The following CHST12 variants were observed in gnomAD, a reference collection of about 807,000 sequenced individuals.
CHST12 encodes the protein carbohydrate sulfotransferase 12, also known as carbohydrate (chondroitin 4) sulfotransferase 12.
Under a neutral mutation model 27.9 loss-of-function variants are expected in CHST12, and 23 were observed. That is an observed-to-expected ratio of 0.82 (90% confidence interval 0.59 to 1.17). The LOEUF (loss-of-function observed/expected upper bound fraction) is 1.17, where lower values mean the gene tolerates loss of function less well. Among genes scored for constraint, CHST12 ranks in the 50% most tolerant of loss-of-function variants. The probability of loss-of-function intolerance (pLI) is 0.00; values close to 1 mark genes in which losing one functional copy is unlikely to be tolerated. For missense variants in CHST12, 682 were observed against 603.0 expected (o/e 1.13, Z -1.37); for synonymous variants, 322 against 273.0 (o/e 1.18, Z -1.77).
chr7:2,435,820 T>C lies in CHST12; in HGVS notation c.*1936T>C, dbSNP rs1042504306. On this transcript the variant is annotated 3_prime_UTR_variant, in exon 2 of 2. Coordinates refer to ENST00000618655, the MANE Select transcript of CHST12 (RefSeq NM_018641.5). ...GCTTCGCTTTCTTTTATTTTTGTTT[T>C]GTTTTGTTTTTGGAGACAGGGTCTC... The C allele has an allele frequency of 4.6e-5, 7 of 152,366 alleles. No individual in the cohort carries two copies. Among genetic ancestry groups the C allele is most frequent in the East Asian group, 1.9e-4 (1 of 5,190 alleles). The allele number at this position is 152,366 out of a possible 1,614,324, so 9.4% of individuals were successfully genotyped here. A position where few individuals can be genotyped will look rare whatever the true frequency, so the allele number is the denominator to read the frequency against.
chr7:2,410,859 GC>G (rs1014169527), intron 1 of CHST12, among the ~76,000 whole-genome samples: 3 of 152,062 alleles, frequency 2.0e-5, no homozygotes, highest in Non-Finnish European at 4.4e-5. Flanking sequence ...GAGATAGGAA[GC>G]CACTGATCCA....
At chr7:2,407,012 T>C (rs1198627967) in intron 1 of CHST12, among the ~76,000 whole-genome samples, 1 of 149,702 alleles carries the variant, frequency 6.7e-6, no homozygotes, top group African/African-American at 2.5e-5. Context: ...AGTATTCGAA[T>C]ATCCAAAAAG....
At chr7:2,406,353 A>G (rs1562507170) in intron 1 of CHST12, among the ~76,000 whole-genome samples, 1 of 148,332 alleles carries the variant, frequency 6.7e-6, no homozygotes, top group Non-Finnish European at 1.5e-5. Context: ...GGAGACAGGT[A>G]CAGTTGAGTA....
At position 2,422,497 on chromosome 7, in the gene CHST12, G is replaced by A. The variant is rs111963808; in HGVS notation, c.-77-10066G>A. Among the ~76,000 whole-genome samples, 572 of 151,814 alleles carry A rather than the reference G, an allele frequency of 3.8e-3. 3 individuals are homozygous for A. Among genetic ancestry groups the A allele is most frequent in the African/African-American group, 0.013 (536 of 41,402 alleles). On this transcript the variant is annotated intron_variant, in intron 1 of 1. Coordinates refer to ENST00000618655, the MANE Select transcript of CHST12 (RefSeq NM_018641.5). ...TGACCTCAGGTGATCCACCCGCCTCGGCCTCCCAAGGTTCTGGGATTACAG... is the reference window on the plus strand; with the variant it reads ...TGACCTCAGGTGATCCACCCGCCTCAGCCTCCCAAGGTTCTGGGATTACAG...
At position 2,427,578 on chromosome 7, in the gene CHST12, C is replaced by A. The variant is rs192582943; in HGVS notation, c.-77-4985C>A. Among the ~76,000 whole-genome samples the A allele has an allele frequency of 1.5e-3, 231 of 151,980 alleles. 1 individual carries two copies. Among genetic ancestry groups the A allele is most frequent in the Non-Finnish European group, 2.3e-3 (159 of 68,000 alleles). On this transcript the variant is annotated intron_variant, in intron 1 of 1. Coordinates refer to ENST00000618655, the MANE Select transcript of CHST12 (RefSeq NM_018641.5). ...CAGTTTGGGCCTTCCATCTGCCACCCCCCCCTACAGAGATGATAGAAAAAT... is the reference window on the plus strand; with the variant it reads ...CAGTTTGGGCCTTCCATCTGCCACCACCCCCTACAGAGATGATAGAAAAAT...
At chr7:2,415,532 T>C (rs1350699491) in intron 1 of CHST12, among the ~76,000 whole-genome samples, 1 of 151,952 alleles carries the variant, frequency 6.6e-6, no homozygotes, top group African/African-American at 2.4e-5. Flanking sequence ...TGGTGGAGGG[T>C]CTTGTCTTGA....
intron 1 of CHST12, among the ~76,000 whole-genome samples, chr7:2,409,577 A>G (rs2115385998): frequency 6.6e-6 from 1 of 151,678 alleles, no homozygotes; most frequent in Middle Eastern, 3.4e-3. Flanking sequence ...AGATCGAGCC[A>G]TCACACTCCA....
chr7:2,432,622 C>T lies in CHST12; in HGVS notation c.-18C>T. The T allele has an allele frequency of 6.3e-7, 1 of 1,595,926 alleles. No individual in the cohort carries two copies. The highest frequency in any genetic ancestry group is 2.2e-5 in the East Asian group (1 of 44,556). ...TGAAGTGAGAGGCCCGGAGAGGGCC[C>T]AGCCCGCCCGGGGCAGGATGACCAA... is the stretch of plus-strand genomic sequence containing the variant. On this transcript the variant is annotated 5_prime_UTR_variant, in exon 2 of 2. Transcript: ENST00000618655.
In CHST12 at chr7:2,442,190, T is replaced by G. The variant is rs1438898720; in HGVS notation, c.*8306T>G. On this transcript the variant is annotated 3_prime_UTR_variant, in exon 2 of 2. Coordinates refer to ENST00000618655, the MANE Select transcript of CHST12 (RefSeq NM_018641.5). ...TTCATGTAGTATAATGTCTTCAAGGTTCATTCATGTTGTAGTCAGGATCAC... is the reference window on the plus strand; with the variant it reads ...TTCATGTAGTATAATGTCTTCAAGGGTCATTCATGTTGTAGTCAGGATCAC... The G allele has an allele frequency of 6.6e-6, 1 of 152,204 alleles. No homozygotes were observed. The highest frequency in any genetic ancestry group is 6.5e-5 in the Admixed American group (1 of 15,268). The allele number at this position is 152,204 out of a possible 1,614,324, so 9.4% of individuals were successfully genotyped here.
Position 2,432,792 on chromosome 7 carries a change from G to A in CHST12, c.153G>A (p.Thr51=), listed in dbSNP as rs746807012. Residue 51 remains threonine, a synonymous_variant, in exon 2 of 2, where the codon ACG becomes ACA. Transcript: ENST00000618655. ...CGCACACGGGGCCGCCGCTGCCCAC[G>A]CCCGGGCCGGACAGGGACAGGGAGC... The part of the protein sequence containing the change: ...SRPHTGPPLP[T]PGPDRDRELT... The A allele has an allele frequency of 3.1e-6, 5 of 1,613,580 alleles. No homozygotes were observed. The highest frequency in any genetic ancestry group is 4.2e-6 in the Non-Finnish European group (5 of 1,179,814).
At position 2,442,041 on chromosome 7, in the gene CHST12, A is replaced by G. The variant is rs898791983; in HGVS notation, c.*8157A>G. The G allele has an allele frequency of 6.6e-6, 1 of 151,892 alleles. No homozygotes were observed. Among genetic ancestry groups the G allele is most frequent in the South Asian group, 2.1e-4 (1 of 4,802 alleles). 9.4% of individuals were successfully genotyped at this position (151,892 alleles called of 1,614,324 possible). A position where few individuals can be genotyped will look rare whatever the true frequency, so the allele number is the denominator to read the frequency against. Reference sequence around the variant, plus strand: ...TGTCCCTATTAAACACTAGCTCCCCATTCCCCACTGTGCCGCCCCCCCAAA... The same window carrying G: ...TGTCCCTATTAAACACTAGCTCCCCGTTCCCCACTGTGCCGCCCCCCCAAA... On this transcript the variant is annotated 3_prime_UTR_variant, in exon 2 of 2. Coordinates refer to ENST00000618655, the MANE Select transcript of CHST12 (RefSeq NM_018641.5).
rs758487486 is a variant in CHST12 at position 2,434,126 on chromosome 7, T to TCGCTCGCC, written c.*245_*246insTCGCCCGC. ...TCCGCCCGCCCACCCGCCCGCCCGC[T>TCGCTCGCC]CGCCCGCTCGCCCGCTCCTGTGGTT... is the stretch of plus-strand genomic sequence containing the variant. On this transcript the variant is annotated 3_prime_UTR_variant, in exon 2 of 2. Transcript: ENST00000618655. 9.4e-6 allele frequency: 3 copies of TCGCTCGCC among 318,662 alleles called. No homozygotes were observed. Among genetic ancestry groups the TCGCTCGCC allele is most frequent in the African/African-American group, 7.3e-5 (3 of 40,938 alleles). 19.7% of individuals were successfully genotyped at this position (318,662 alleles called of 1,614,324 possible). A position where few individuals can be genotyped will look rare whatever the true frequency, so the allele number is the denominator to read the frequency against.
chr7:2,432,059 G>A (rs995252353), intron 1 of CHST12, among the ~76,000 whole-genome samples: 2 of 146,694 alleles, frequency 1.4e-5, no homozygotes, highest in East Asian at 4.1e-4. Flanking sequence ...GGAGAATGGC[G>A]TGAACCTGGG....
At chr7:2,414,308 A>G in intron 1 of CHST12, among the ~76,000 whole-genome samples, 1 of 147,264 alleles carries the variant, frequency 6.8e-6, no homozygotes, top group African/African-American at 2.5e-5. Context: ...TCTGAGACAG[A>G]GTTTTGGTCT....
Position 2,433,267 on chromosome 7 carries a change from G to A in CHST12, c.628G>A (p.Ala210Thr). The A allele has an allele frequency of 1.2e-6, 2 of 1,611,660 alleles. No homozygotes were observed. Among genetic ancestry groups the A allele is most frequent in the South Asian group, 1.1e-5 (1 of 91,058 alleles). The change falls in exon 2 of 2, where the codon GCC becomes ACC. Residue 210 changes from alanine to threonine, a missense_variant. Physicochemically the swap from Ala to Thr is moderately conservative, Grantham distance 58. Coordinates refer to ENST00000618655, the MANE Select transcript of CHST12 (RefSeq NM_018641.5). This position sits in a 1 kb window ranked among gnomAD's most constrained non-coding sequence, Gnocchi z 6.1. ...CATCCCGCGCGAGCACGTGCACAAC[G>A]CCAGCGCGCACCTGACCTTCAACAA... is the stretch of plus-strand genomic sequence containing the variant. The part of the protein sequence containing the change: ...LRIPREHVHN[A>T]SAHLTFNKFW...
At chr7:2,418,310 T>C (rs1781864184) in intron 1 of CHST12, among the ~76,000 whole-genome samples, 1 of 152,218 alleles carries the variant, frequency 6.6e-6, no homozygotes, top group African/African-American at 2.4e-5. Flanking sequence ...CTAATAATTT[T>C]CAGTGCCATT....
Position 2,443,558 on chromosome 7 carries a change from T to C in CHST12, c.*9674T>C, listed in dbSNP as rs1782671683. On this transcript the variant is annotated 3_prime_UTR_variant, in exon 2 of 2. Transcript: ENST00000618655. ...GTGTGGGGTCATATGGTAATTTATC[T>C]TTAATTTTTGGAGGAATTGAATTTC... 1.3e-5 allele frequency: 2 copies of C among 152,232 alleles called. No individual in the cohort carries two copies. Among genetic ancestry groups the C allele is most frequent in the Admixed American group, 1.3e-4 (2 of 15,282 alleles). 9.4% of individuals were successfully genotyped at this position (152,232 alleles called of 1,614,324 possible).
intron 1 of CHST12, among the ~76,000 whole-genome samples, chr7:2,428,485 C>G (rs569339295): frequency 7.6e-4 from 116 of 152,290 alleles, no homozygotes; most frequent in African/African-American, 2.7e-3. Flanking sequence ...ACACACAAGA[C>G]AGTGAAAGCT....
chr7:2,419,392 C>A (rs1350222175), intron 1 of CHST12, among the ~76,000 whole-genome samples: 12 of 101,200 alleles, frequency 1.2e-4, no homozygotes, highest in African/African-American at 5.0e-4. Context: ...TAGAGTGGAA[C>A]CCTGTCTCCA....
Sources: gnomAD v4.1 joint callset for allele counts (sites outside exome capture counted in the v4.1 genomes callset) on GRCh38, gnomAD v4.1.1 for gene constraint, Gnocchi (gnomAD v3.1) non-coding constraint, MANE v1.5 for transcripts, NCBI Gene and HGNC (gene_info 2026-07-23, HGNC 2026-07-21) for gene names.